GPATCH2L: variants seen among roughly 807,000 people sequenced by gnomAD.
The protein encoded by GPATCH2L is G patch domain-containing protein 2-like.
A neutral mutation model predicts 57.4 loss-of-function variants in GPATCH2L; 31 were observed. That is an observed-to-expected ratio of 0.54 (90% CI 0.41 to 0.73). The LOEUF (loss-of-function observed/expected upper bound fraction) is 0.73. GPATCH2L is among the 30% of genes least tolerant of loss of function. The probability of loss-of-function intolerance (pLI) is 0.00; values close to 1 mark genes in which losing one functional copy is unlikely to be tolerated. For missense variants in GPATCH2L, 481 were observed against 599.9 expected, an observed-to-expected ratio of 0.80 and a Z score of 2.07; for synonymous variants, 199 against 210.7, an observed-to-expected ratio of 0.94 and a Z score of 0.48.
Position 76,206,895 on chromosome 14 carries a change from G to A in GPATCH2L, c.*5044G>A, listed in dbSNP as rs2040382857. 6.6e-6 allele frequency: 1 copy of A among 152,084 alleles called. No individual in the cohort carries two copies. The allele number at this position is 152,084 out of a possible 1,614,324, so 9.4% of individuals were successfully genotyped here. On this transcript the variant is annotated 3_prime_UTR_variant, in exon 10 of 10. Transcript: ENST00000261530. ...GATTTTTTTTGTATAATTCTTTGCA[G>A]AAACTGTTAATGTCTTTATTTCTCA...
chr14:76,173,958 C>A (rs1408549196), intron 5 of GPATCH2L: 4 of 354,798 alleles, frequency 1.1e-5, no homozygotes, highest in Non-Finnish European at 2.0e-5. Flanking sequence ...ATACTCTTGG[C>A]TTCTTTATGA....
rs1208202435 is a variant in GPATCH2L, at chr14:76,208,504, G to A, written c.*6653G>A. 2 of 151,916 alleles carry A rather than the reference G, an allele frequency of 1.3e-5. No homozygotes were observed. The highest frequency in any genetic ancestry group is 4.8e-5 in the African/African-American group (2 of 41,284). 9.4% of individuals were successfully genotyped at this position (151,916 alleles called of 1,614,324 possible). On this transcript the variant is annotated 3_prime_UTR_variant, in exon 10 of 10. Coordinates refer to ENST00000261530, the MANE Select transcript of GPATCH2L (RefSeq NM_017926.4). ...TTACCCCCACCTTCTCTCAATCTTA[G>A]CAGTTAATCTCAGCCCTCCCCCACC...
intron 5 of GPATCH2L, 170 bp downstream of exon 5, chr14:76,173,795 A>G: frequency 1.9e-6 from 1 of 537,170 alleles, no homozygotes; most frequent in South Asian, 2.9e-5. Flanking sequence ...GTGAATGGAT[A>G]TACAAATAAA....
In GPATCH2L at chr14:76,201,729, C is replaced by T. The variant is rs1389144074; in HGVS notation, c.1327C>T (p.Gln443Ter). Reference sequence around the variant, plus strand: ...AGTGGAGCCAACCACACCAGCATCACAAGCCCCCAAATCACCCAGCTCTGA... The same window carrying T: ...AGTGGAGCCAACCACACCAGCATCATAAGCCCCCAAATCACCCAGCTCTGA... ...DAVEPTTPAS[Q>*]APKSPSSEWL... Residue 443 changes from glutamine to a stop codon, truncating the protein, a stop_gained, in exon 10 of 10, where the codon CAA becomes TAA. Transcript: ENST00000261530. LOFTEE classifies it high-confidence loss of function. 6.2e-7 allele frequency: 1 copy of T among 1,613,726 alleles called. No individual in the cohort carries two copies. The highest frequency in any genetic ancestry group is 8.5e-7 in the Non-Finnish European group (1 of 1,179,878).
intron 8 of GPATCH2L, among the ~76,000 whole-genome samples, chr14:76,192,137 T>A (rs1305917231): frequency 2.0e-5 from 3 of 150,834 alleles, no homozygotes; most frequent in South Asian, 4.2e-4. Context: ...TTTTTTTTTT[T>A]AAACGCCTGA....
intron 8 of GPATCH2L, among the ~76,000 whole-genome samples, chr14:76,185,757 C>T (rs1430126977): frequency 6.6e-6 from 1 of 152,008 alleles, no homozygotes; most frequent in Non-Finnish European, 1.5e-5. Flanking sequence ...TTTGAGAAAT[C>T]TTATTTTTAG....
rs1013382911 is a variant in GPATCH2L at position 76,171,302 on chromosome 14, C to T, written c.728-541C>T. 4.7e-5 allele frequency among the ~76,000 whole-genome samples: 7 copies of T among 149,562 alleles called. No individual in the cohort carries two copies. The East Asian group carries it at 9.8e-4, about 21-fold the overall frequency. ...TAAAAAAAAAAAAAAAGACTGGGCG[C>T]GGTGGCTCACGCCTGTAATCCCAGC... On this transcript the variant is annotated intron_variant, in intron 3 of 9. Coordinates refer to ENST00000261530, the MANE Select transcript of GPATCH2L (RefSeq NM_017926.4).
In GPATCH2L at chr14:76,202,517, C is replaced by T. The variant is rs1182319224; in HGVS notation, c.*666C>T. 2 of 140,218 alleles carry T rather than the reference C, an allele frequency of 1.4e-5. No individual in the cohort carries two copies. Among genetic ancestry groups the T allele is most frequent in the African/African-American group, 5.5e-5 (2 of 36,112 alleles). 8.7% of individuals were successfully genotyped at this position (140,218 alleles called of 1,614,324 possible). Reference sequence around the variant, plus strand: ...CCTCATCTTCAGAGTTTATGTTCTACTGAAAGAGGACGTGTGTATACACAC... The same window carrying T: ...CCTCATCTTCAGAGTTTATGTTCTATTGAAAGAGGACGTGTGTATACACAC... On this transcript the variant is annotated 3_prime_UTR_variant, in exon 10 of 10. Coordinates refer to ENST00000261530, the MANE Select transcript of GPATCH2L (RefSeq NM_017926.4).
intron 2 of GPATCH2L, among the ~76,000 whole-genome samples, chr14:76,158,837 A>C (rs562606159): frequency 3.3e-4 from 50 of 152,322 alleles, no homozygotes; most frequent in African/African-American, 1.2e-3. Flanking sequence ...GGACAACTAA[A>C]ACACACAGCT....
chr14:76,175,787 C>T (rs1295557489), intron 5 of GPATCH2L: 1 of 152,158 alleles, frequency 6.6e-6, no homozygotes, highest in African/African-American at 2.4e-5. Flanking sequence ...TGAATATAGA[C>T]ACAAATGTGT....
rs561787910 is a variant in GPATCH2L at position 76,188,597 on chromosome 14, A to AATTATTAACCCTTTGTCAAATG, written c.1194-7280_1194-7259dup. 2.8e-3 allele frequency among the ~76,000 whole-genome samples: 418 copies of AATTATTAACCCTTTGTCAAATG among 151,852 alleles called. 2 individuals carry two copies. Among genetic ancestry groups the AATTATTAACCCTTTGTCAAATG allele is most frequent in the Non-Finnish European group, 3.4e-3 (229 of 67,868 alleles). ...GTTGTTTGAGCTCCTTATATATTCT[A>AATTATTAACCCTTTGTCAAATG]ATTATTAACCCTTTGTCAAATGGGT... On this transcript the variant is annotated intron_variant, in intron 8 of 9. Coordinates refer to ENST00000261530, the MANE Select transcript of GPATCH2L (RefSeq NM_017926.4).
chr14:76,165,190 A>G (rs879776424), intron 2 of GPATCH2L, among the ~76,000 whole-genome samples: 1 of 152,188 alleles, frequency 6.6e-6, no homozygotes, highest in Non-Finnish European at 1.5e-5. Context: ...AAATGAAAGA[A>G]TCTATAAAGA....
chr14:76,196,801 A>G (rs2139808834), intron 9 of GPATCH2L, among the ~76,000 whole-genome samples: 1 of 152,298 alleles, frequency 6.6e-6, no homozygotes, highest in South Asian at 2.1e-4. Context: ...ATAGCTGAAT[A>G]GAGAGTAAAC....
Position 76,210,562 on chromosome 14 carries a change from C to T in GPATCH2L, c.*8711C>T, listed in dbSNP as rs1319363527. On this transcript the variant is annotated 3_prime_UTR_variant, in exon 10 of 10. Coordinates refer to ENST00000261530, the MANE Select transcript of GPATCH2L (RefSeq NM_017926.4). ...GCGTACATGATTGAAAGGAGATAGC[C>T]GGTTTCTGTGACATCCTCTTATAAC... is the stretch of plus-strand genomic sequence containing the variant. The T allele has an allele frequency of 2.0e-5, 3 of 152,230 alleles. No homozygotes were observed. The highest frequency in any genetic ancestry group is 4.4e-5 in the Non-Finnish European group (3 of 68,024). 9.4% of individuals were successfully genotyped at this position (152,230 alleles called of 1,614,324 possible). A position where few individuals can be genotyped will look rare whatever the true frequency, so the allele number is the denominator to read the frequency against.
chr14:76,152,504 T>C, intron 1 of GPATCH2L: 1 of 367,340 alleles, frequency 2.7e-6, no homozygotes, highest in Non-Finnish European at 5.4e-6. Flanking sequence ...TCCACCCTGC[T>C]CCTGTCTCTC....
chr14:76,157,319 G>A (rs1363491268), intron 2 of GPATCH2L, among the ~76,000 whole-genome samples: 1 of 152,182 alleles, frequency 6.6e-6, no homozygotes, highest in Non-Finnish European at 1.5e-5. Context: ...AGAGGAGAGT[G>A]GAACTAAAAT....
intron 2 of GPATCH2L, 59 bp from the exon 3 acceptor site, chr14:76,166,604 A>G: frequency 1.8e-6 from 2 of 1,131,640 alleles, no homozygotes; most frequent in Non-Finnish European, 2.7e-6. Context: ...AAATAAGTGT[A>G]CAGTGCTTTG....
intron 2 of GPATCH2L, among the ~76,000 whole-genome samples, chr14:76,156,322 T>C (rs2038304615): frequency 6.6e-6 from 1 of 152,242 alleles, no homozygotes; most frequent in Non-Finnish European, 1.5e-5. Context: ...GCTGTGTCAG[T>C]AACAGGAAAA....
At chr14:76,200,977 G>A (rs1249738091) in intron 9 of GPATCH2L, among the ~76,000 whole-genome samples, 1 of 152,160 alleles carries the variant, frequency 6.6e-6, no homozygotes, top group Admixed American at 6.5e-5. Flanking sequence ...ACAATGACTG[G>A]GGAGTGTTCC....
Sources: gnomAD v4.1 joint callset for allele counts (sites outside exome capture counted in the v4.1 genomes callset) on GRCh38, gnomAD v4.1.1 for gene constraint, MANE v1.5 for transcripts, NCBI Gene and HGNC (gene_info 2026-07-23, HGNC 2026-07-21) for gene names.